CCSER1: variants seen among roughly 807,000 people sequenced by gnomAD.
CCSER1 encodes the protein serine-rich coiled-coil domain-containing protein 1.
CCSER1 carries 41 observed loss-of-function variants against 82.0 expected under a neutral mutation model. The ratio of observed to expected loss-of-function variants is 0.50; its 90% CI spans 0.39 to 0.65. CCSER1 has a LOEUF of 0.65. CCSER1 is among the 30% of genes least tolerant of loss of function. CCSER1 has a pLI of 0.00. For missense variants in CCSER1, 1,119 were observed against 1,064.2 expected, an observed-to-expected ratio of 1.05 and a Z score of -0.72; for synonymous variants, 414 against 383.9, an observed-to-expected ratio of 1.08 and a Z score of -0.92.
chr4:90,344,180 G>A (rs1490465186), intron 3 of CCSER1, among the ~76,000 whole-genome samples: 5 of 152,118 alleles, frequency 3.3e-5, no homozygotes, highest in Non-Finnish European at 7.4e-5. Flanking sequence ...TTAACATAAT[G>A]ACCTCCAGTT....
intron 10 of CCSER1, among the ~76,000 whole-genome samples, chr4:91,595,060 G>T (rs1764500553): frequency 6.7e-6 from 1 of 149,402 alleles, no homozygotes; most frequent in African/African-American, 2.5e-5. Context: ...AAAAAAAAAA[G>T]CAAAACCAAA....
At chr4:90,152,992 G>A (rs1290242412) in intron 1 of CCSER1, among the ~76,000 whole-genome samples, 3 of 149,590 alleles carry the variant, frequency 2.0e-5, no homozygotes, top group South Asian at 2.1e-4. Flanking sequence ...CCATTAACTC[G>A]TCATTTAGCA....
intron 10 of CCSER1, among the ~76,000 whole-genome samples, chr4:91,170,335 C>T (rs1304459142): frequency 6.6e-6 from 1 of 152,044 alleles, no homozygotes; most frequent in East Asian, 1.9e-4. Flanking sequence ...ATAAATCATG[C>T]ACTGTATACA....
chr4:91,310,698 C>A (rs1745408002), intron 10 of CCSER1, among the ~76,000 whole-genome samples: 1 of 152,006 alleles, frequency 6.6e-6, no homozygotes, highest in South Asian at 2.1e-4. Context: ...AGCCATGAAC[C>A]CTTTTTTCCA....
intron 7 of CCSER1, among the ~76,000 whole-genome samples, chr4:90,791,666 C>T (rs182483558): frequency 0.057 from 8,696 of 152,000 alleles, 408 homozygotes; most frequent in East Asian, 0.22. Context: ...CTGGCTAACA[C>T]AGTGAAACCC....
intron 7 of CCSER1, among the ~76,000 whole-genome samples, chr4:90,751,736 A>G (rs2149486129): frequency 6.6e-6 from 1 of 152,156 alleles, no homozygotes; most frequent in South Asian, 2.1e-4. Flanking sequence ...TTCTTTTATT[A>G]TCATAGAATT....
intron 5 of CCSER1, among the ~76,000 whole-genome samples, chr4:90,604,814 G>A (rs1350954234): frequency 6.6e-6 from 1 of 152,146 alleles, no homozygotes; most frequent in Non-Finnish European, 1.5e-5. Flanking sequence ...GCACCAGTCA[G>A]CACTGTGTGT....
chr4:91,441,503 C>T (rs1443097782), intron 10 of CCSER1, among the ~76,000 whole-genome samples: 2 of 152,022 alleles, frequency 1.3e-5, no homozygotes, highest in Non-Finnish European at 2.9e-5. Context: ...GACAAACTCA[C>T]AGCCAATATC....
At chr4:90,487,826 G>C (rs1261161602) in intron 5 of CCSER1, among the ~76,000 whole-genome samples, 1 of 152,226 alleles carries the variant, frequency 6.6e-6, no homozygotes, top group Non-Finnish European at 1.5e-5. Context: ...ATTTTTAGTA[G>C]AGATGGAGTT....
intron 5 of CCSER1, among the ~76,000 whole-genome samples, chr4:90,483,023 CACTAAGT>C (rs1249183411): frequency 6.6e-6 from 1 of 152,142 alleles, no homozygotes; most frequent in Non-Finnish European, 1.5e-5. Context: ...CTTTGTAGGT[CACTAAGT>C]ACTTGCTTTA....
intron 10 of CCSER1, among the ~76,000 whole-genome samples, chr4:91,166,215 T>C (rs546830185): frequency 6.6e-6 from 1 of 152,224 alleles, no homozygotes; most frequent in Non-Finnish European, 1.5e-5. Context: ...TCAAGAGGCA[T>C]ATTGGTTGAC....
intron 1 of CCSER1, among the ~76,000 whole-genome samples, chr4:90,286,584 T>C (rs1189079443): frequency 6.6e-6 from 1 of 152,068 alleles, no homozygotes; most frequent in Non-Finnish European, 1.5e-5. Flanking sequence ...TGATTTCTTA[T>C]GCAAAGTGAA....
At chr4:90,512,281 G>T (rs1243818664) in intron 5 of CCSER1, among the ~76,000 whole-genome samples, 1 of 148,986 alleles carries the variant, frequency 6.7e-6, no homozygotes. Context: ...CTTGTCTCTG[G>T]TTGGTAAAAT....
At chr4:91,555,657 A>G (rs959334472) in intron 10 of CCSER1, among the ~76,000 whole-genome samples, 42 of 151,356 alleles carry the variant, frequency 2.8e-4, no homozygotes, top group Admixed American at 2.7e-3. Context: ...AACAAGAACA[A>G]ACTTAAAAGC....
At chr4:91,581,482 T>C (rs1763723746) in intron 10 of CCSER1, among the ~76,000 whole-genome samples, 1 of 151,602 alleles carries the variant, frequency 6.6e-6, no homozygotes, top group Non-Finnish European at 1.5e-5. Flanking sequence ...TGAAGAACAA[T>C]TACTTACTGC....
chr4:91,135,854 A>C (rs1205312424), intron 10 of CCSER1, among the ~76,000 whole-genome samples: 2 of 152,198 alleles, frequency 1.3e-5, no homozygotes, highest in Non-Finnish European at 2.9e-5. Context: ...TTTTAAAAAT[A>C]TCTTCTAACT....
chr4:90,773,899 G>A (rs1283450057), intron 7 of CCSER1, among the ~76,000 whole-genome samples: 1 of 152,092 alleles, frequency 6.6e-6, no homozygotes, highest in Non-Finnish European at 1.5e-5. Flanking sequence ...CGGGTATTCA[G>A]AAACTTCAGC....
intron 10 of CCSER1, among the ~76,000 whole-genome samples, chr4:91,213,337 C>T (rs1361650785): frequency 2.0e-5 from 3 of 152,058 alleles, no homozygotes; most frequent in African/African-American, 7.2e-5. Flanking sequence ...TGTAGTGCTG[C>T]TTTCACAGAA....
chr4:90,369,352 G>GAAGAAAGAA (rs1561111593), intron 3 of CCSER1, among the ~76,000 whole-genome samples: 3 of 97,380 alleles, frequency 3.1e-5, no homozygotes, highest in South Asian at 4.4e-4. Flanking sequence ...AGAAAGAAAA[G>GAAGAAAGAA]AGGAGGAAAA....
Sources: gnomAD v4.1 joint callset for allele counts (sites outside exome capture counted in the v4.1 genomes callset) on GRCh38, gnomAD v4.1.1 for gene constraint, MANE v1.5 for transcripts, NCBI Gene and HGNC (gene_info 2026-07-23, HGNC 2026-07-21) for gene names.